PEAK1: variants seen among roughly 807,000 people sequenced by gnomAD.
PEAK1 encodes the protein inactive tyrosine-protein kinase PEAK1.
A neutral mutation model predicts 124.7 loss-of-function variants in PEAK1; 54 were observed. The observed-to-expected ratio is 0.43, with a 90% confidence interval of 0.35 to 0.54. PEAK1 has a LOEUF of 0.54. Ranked by LOEUF, PEAK1 falls within the 20% of genes least tolerant of loss-of-function variation. The pLI is 0.01. For synonymous variants in PEAK1, 719 were observed against 760.0 expected, an observed-to-expected ratio of 0.95 and a Z score of 0.89; for missense variants, 2,046 against 2,134.5, an observed-to-expected ratio of 0.96 and a Z score of 0.82.
intron 6 of PEAK1, among the ~76,000 whole-genome samples, chr15:77,226,070 T>TA (rs1555449151): frequency 1.5e-5 from 2 of 136,938 alleles, no homozygotes; most frequent in African/African-American, 5.4e-5. Context: ...TATATATATA[T>TA]ATATATATAT....
chr15:77,253,839 T>C (rs2060998360), intron 5 of PEAK1, among the ~76,000 whole-genome samples: 2 of 152,192 alleles, frequency 1.3e-5, no homozygotes, highest in African/African-American at 4.8e-5. Context: ...TTTCTATTTT[T>C]TTGAGATAGA....
chr15:77,138,592 G>A (rs895508509), intron 8 of PEAK1, among the ~76,000 whole-genome samples: 10 of 151,996 alleles, frequency 6.6e-5, no homozygotes, highest in South Asian at 2.1e-4. Context: ...GGCCAGGCAC[G>A]GTGGCTTATG....
intron 7 of PEAK1, among the ~76,000 whole-genome samples, chr15:77,163,802 C>G (rs1241848305): frequency 6.6e-6 from 1 of 150,872 alleles, no homozygotes; most frequent in Non-Finnish European, 1.5e-5. Flanking sequence ...CTCTGTTCAG[C>G]AGGTACACAT....
intron 7 of PEAK1, chr15:77,178,517 T>C (rs1056921931): frequency 6.6e-6 from 3 of 457,940 alleles, no homozygotes; most frequent in African/African-American, 2.0e-5. Context: ...TAAGGTGTTA[T>C]GGATTTGCTT....
At chr15:77,221,324 A>G (rs891432291) in intron 6 of PEAK1, among the ~76,000 whole-genome samples, 6 of 152,082 alleles carry the variant, frequency 3.9e-5, no homozygotes, top group African/African-American at 7.2e-5. Flanking sequence ...CTAAAGTAAG[A>G]CTATGGATGT....
At chr15:77,331,407 G>A (rs1263509551) in intron 2 of PEAK1, among the ~76,000 whole-genome samples, 3 of 152,204 alleles carry the variant, frequency 2.0e-5, no homozygotes, top group Admixed American at 6.5e-5. Context: ...TGGGATTACA[G>A]GCATGAGCCA....
chr15:77,246,886 T>C lies in PEAK1; in HGVS notation c.-115+5481A>G, dbSNP rs144926181. 5.2e-3 allele frequency among the ~76,000 whole-genome samples: 792 copies of C among 152,054 alleles called. 4 individuals are homozygous for C. The highest frequency in any genetic ancestry group is 0.018 in the African/African-American group (734 of 41,486). ...AAAAAAAATTAGCTAAGCATGGTGG[T>C]GGGTGCCTGCAATCCTAGCTACTCA... On this transcript the variant is annotated intron_variant, in intron 6 of 9. Transcript: ENST00000682557.
chr15:77,364,493 G>C (rs547796929), intron 2 of PEAK1, among the ~76,000 whole-genome samples: 2 of 152,124 alleles, frequency 1.3e-5, no homozygotes, highest in Non-Finnish European at 2.9e-5. Context: ...AAAATAATCT[G>C]TTGACAATGA....
rs552868491 is a variant in PEAK1 at position 77,388,461 on chromosome 15, A to G, written c.-665-23236T>C. Reference sequence around the variant, plus strand: ...GTGTCTGCCTCCTTTTCCCCTGCTTAAACACTCCAAATAAAAGACGACTCA... The same window carrying G: ...GTGTCTGCCTCCTTTTCCCCTGCTTGAACACTCCAAATAAAAGACGACTCA... On this transcript the variant is annotated intron_variant, in intron 1 of 9. Coordinates refer to ENST00000682557, the MANE Select transcript of PEAK1 (RefSeq NM_001385026.1). Among the ~76,000 whole-genome samples the G allele has an allele frequency of 2.9e-3, 442 of 152,310 alleles. 4 individuals are homozygous for G. Among genetic ancestry groups the G allele is most frequent in the Non-Finnish European group, 3.7e-3 (252 of 68,026 alleles).
chr15:77,419,344 C>A (rs1352654227), intron 1 of PEAK1: 2 of 984,966 alleles, frequency 2.0e-6, no homozygotes, highest in Non-Finnish European at 2.4e-6. Context: ...AAGTCCCCAT[C>A]GAAGGAGGAA....
At chr15:77,190,658 G>A (rs1048049482) in intron 6 of PEAK1, among the ~76,000 whole-genome samples, 4 of 152,128 alleles carry the variant, frequency 2.6e-5, no homozygotes, top group Non-Finnish European at 5.9e-5. Context: ...GAAATAATGA[G>A]AAAAGAAAGG....
chr15:77,315,209 T>C (rs989434652), intron 2 of PEAK1, among the ~76,000 whole-genome samples: 3 of 152,212 alleles, frequency 2.0e-5, no homozygotes, highest in African/African-American at 7.2e-5. Context: ...TGAATAGATC[T>C]TTATAACCTG....
At chr15:77,335,980 T>A in intron 2 of PEAK1, 1 of 985,424 alleles carries the variant, frequency 1.0e-6, no homozygotes, top group Non-Finnish European at 1.2e-6. Context: ...AATGATGGAC[T>A]AGTAGGACTC....
At chr15:77,386,493 A>G (rs2069953152) in intron 1 of PEAK1, among the ~76,000 whole-genome samples, 2 of 152,192 alleles carry the variant, frequency 1.3e-5, no homozygotes, top group Non-Finnish European at 2.9e-5. Context: ...AATTACAATC[A>G]GAGGGAAAAA....
chr15:77,286,124 A>C (rs1296015808), intron 3 of PEAK1, among the ~76,000 whole-genome samples: 1 of 152,168 alleles, frequency 6.6e-6, no homozygotes, highest in Non-Finnish European at 1.5e-5. Context: ...TTATTTACCC[A>C]GTAGTCATTC....
intron 2 of PEAK1, chr15:77,355,885 G>T: frequency 1.0e-6 from 1 of 985,362 alleles, no homozygotes; most frequent in Non-Finnish European, 1.2e-6. Context: ...GAAAAATGGA[G>T]AGAACTCAGA....
rs1052420623 is a variant in PEAK1, at chr15:77,132,081, T to C, written c.4077+924A>G. ...CCTTGCAAAAAGCAAAGCTCAAGGGTTACCTACTTTTTTTTTTGAGACAGG... is the reference window on the plus strand; with the variant it reads ...CCTTGCAAAAAGCAAAGCTCAAGGGCTACCTACTTTTTTTTTTGAGACAGG... On this transcript the variant is annotated intron_variant, in intron 9 of 9. Transcript: ENST00000682557. 3.3e-5 allele frequency among the ~76,000 whole-genome samples: 5 copies of C among 151,704 alleles called. No homozygotes were observed. The East Asian group carries it at 7.8e-4, about 24-fold the overall frequency.
At chr15:77,307,451 A>G (rs2064167242) in intron 2 of PEAK1, among the ~76,000 whole-genome samples, 1 of 152,132 alleles carries the variant, frequency 6.6e-6, no homozygotes, top group Admixed American at 6.5e-5. Flanking sequence ...AGCGTAATCA[A>G]TCGATAGATA....
chr15:77,297,934 T>G (rs2063573303), intron 2 of PEAK1, among the ~76,000 whole-genome samples: 1 of 149,656 alleles, frequency 6.7e-6, no homozygotes, highest in Non-Finnish European at 1.5e-5. Context: ...GGCGGGCGCC[T>G]GTAGTCCCAG....
Sources: gnomAD v4.1 joint callset for allele counts (sites outside exome capture counted in the v4.1 genomes callset) on GRCh38, gnomAD v4.1.1 for gene constraint, MANE v1.5 for transcripts, NCBI Gene and HGNC (gene_info 2026-07-23, HGNC 2026-07-21) for gene names.